The following PDXDC1 variants were observed in gnomAD, a reference collection of about 807,000 sequenced individuals.
PDXDC1 encodes pyridoxal-dependent decarboxylase domain-containing protein 1.
In PDXDC1, 42 loss-of-function variants were observed where a neutral mutation model predicts 100.1. The ratio of observed to expected loss-of-function variants is 0.42; its 90% CI spans 0.33 to 0.54. The LOEUF (loss-of-function observed/expected upper bound fraction) is 0.54, where lower values mean the gene tolerates loss of function less well. PDXDC1 is among the 20% of genes least tolerant of loss of function. The pLI is 0.10. For missense variants in PDXDC1, 636 were observed against 979.2 expected (o/e 0.65, Z 4.68); for synonymous variants, 260 against 371.7 (o/e 0.70, Z 3.46).
chr16:15,046,334 T>G (rs943129894), intron 16 of PDXDC1, among the ~76,000 whole-genome samples: 2 of 152,174 alleles, frequency 1.3e-5, no homozygotes, highest in Non-Finnish European at 2.9e-5. Flanking sequence ...TGCCTTAGAC[T>G]TCCAGTAAAA....
At chr16:15,143,428 T>G (rs2457523), downstream of PDXDC1, among the ~76,000 whole-genome samples, 21 of 152,188 alleles carry the variant, frequency 1.4e-4, no homozygotes, top group Admixed American at 3.3e-4. Flanking sequence ...GCCCGAGGTA[T>G]CTGACACGTG....
chr16:14,998,498 G>T, intron 3 of PDXDC1, 93 bp downstream of exon 3: 1 of 1,395,440 alleles, frequency 7.2e-7, no homozygotes, highest in Non-Finnish European at 9.9e-7. Context: ...AGGATGGTGT[G>T]CAGTGGCACA....
chr16:14,991,180 AT>A (rs1226956322), intron 1 of PDXDC1, among the ~76,000 whole-genome samples: 1 of 152,180 alleles, frequency 6.6e-6, no homozygotes, highest in Non-Finnish European at 1.5e-5. Context: ...ATTACACGGG[AT>A]TTTAGTGTTT....
intron 16 of PDXDC1, chr16:15,055,793 C>G (rs2151740309): frequency 1.6e-6 from 1 of 629,524 alleles, no homozygotes; most frequent in East Asian, 3.5e-5. Flanking sequence ...GTGCCAACAG[C>G]GCCAAGTTTC....
chr16:15,072,689 G>T, intron 16 of PDXDC1, among the ~76,000 whole-genome samples: 1 of 152,058 alleles, frequency 6.6e-6, no homozygotes, highest in East Asian at 1.9e-4. Flanking sequence ...CCCAGCTATC[G>T]AGAGGGTAAG....
At chr16:15,054,070 C>T (rs893303361) in intron 16 of PDXDC1, among the ~76,000 whole-genome samples, 1 of 152,210 alleles carries the variant, frequency 6.6e-6, no homozygotes, top group African/African-American at 2.4e-5. Context: ...CCTCCTCACC[C>T]GGGCTGCTCC....
At chr16:15,041,072 G>T, downstream of PDXDC1, 1 of 1,596,280 alleles carries the variant, frequency 6.3e-7, no homozygotes, top group Non-Finnish European at 8.6e-7. Context: ...ACTTACCAAT[G>T]CCATATATTA....
At position 15,129,011 on chromosome 16, in the gene PDXDC1, T is replaced by C. The variant is rs1423214614; in HGVS notation, c.1400-9868T>C. ...TTTAGTAGAGACAGGGTTTCACCGT[T>C]AGCCAGGATGGTCTCGATCTCCTGA... On this transcript the variant is annotated intron_variant, in intron 16 of 16. Coordinates refer to the PDXDC1 transcript ENST00000535621. 1.1e-4 allele frequency among the ~76,000 whole-genome samples: 17 copies of C among 151,180 alleles called. No homozygotes were observed. The East Asian group carries it at 3.2e-3, about 28-fold the overall frequency.
chr16:15,125,467 G>A, intron 16 of PDXDC1: 3 of 895,620 alleles, frequency 3.3e-6, no homozygotes, highest in Non-Finnish European at 5.7e-6. Flanking sequence ...CAGACACCCA[G>A]CAAGGACACG....
intron 8 of PDXDC1, among the ~76,000 whole-genome samples, chr16:15,011,009 T>C (rs2041216014): frequency 6.6e-6 from 1 of 152,300 alleles, no homozygotes; most frequent in African/African-American, 2.4e-5. Flanking sequence ...CCCAAACTAA[T>C]CTGTAGATTC....
chr16:15,025,001 A>G, intron 13 of PDXDC1, among the ~76,000 whole-genome samples: 1 of 152,426 alleles, frequency 6.6e-6, no homozygotes, highest in Middle Eastern at 3.4e-3. Flanking sequence ...GGCCCCAGAC[A>G]TGCTCCCATC....
At chr16:15,127,578 C>G (rs1272577854) in intron 16 of PDXDC1, 4 of 1,343,410 alleles carry the variant, frequency 3.0e-6, no homozygotes, top group African/African-American at 1.5e-5. Flanking sequence ...GCGGGCTCAG[C>G]CTGGACACAT....
chr16:15,128,636 C>T (rs559443010), intron 16 of PDXDC1, among the ~76,000 whole-genome samples: 11 of 152,028 alleles, frequency 7.2e-5, no homozygotes, highest in Admixed American at 5.9e-4. Context: ...AACATGGCTG[C>T]ACACGCCTCA....
chr16:15,102,382 G>A (rs563946327), intron 16 of PDXDC1, among the ~76,000 whole-genome samples: 89 of 152,088 alleles, frequency 5.9e-4, no homozygotes, highest in Admixed American at 3.1e-3. Context: ...GATGACCTCC[G>A]GAGGCAGGGG....
At chr16:15,123,011 A>T (rs2047514204) in intron 16 of PDXDC1, among the ~76,000 whole-genome samples, 1 of 150,938 alleles carries the variant, frequency 6.6e-6, no homozygotes, top group South Asian at 2.1e-4. Context: ...GTCACGGAGA[A>T]GATCAGGGAA....
intron 16 of PDXDC1, chr16:15,056,032 G>T: frequency 1.2e-6 from 1 of 823,644 alleles, no homozygotes; most frequent in Non-Finnish European, 1.5e-6. Flanking sequence ...TGCAGCCCCG[G>T]GCCGCCCGCC....
At chr16:15,072,923 G>T in intron 16 of PDXDC1, 1 of 1,610,540 alleles carries the variant, frequency 6.2e-7, no homozygotes, top group Non-Finnish European at 8.5e-7. Context: ...AGTAAGCTAA[G>T]ATAATGTTAA....
rs1469305163 is a variant in PDXDC1 at position 15,132,806 on chromosome 16, T to C, written c.1400-6073T>C. 8.3e-6 allele frequency: 11 copies of C among 1,323,144 alleles called. No homozygotes were observed. In the East Asian group the frequency reaches 1.4e-4, roughly 17 times the overall value. The allele number at this position is 1,323,144 out of a possible 1,614,324, so 82.0% of individuals were successfully genotyped here. A position where few individuals can be genotyped will look rare whatever the true frequency, so the allele number is the denominator to read the frequency against. On this transcript the variant is annotated intron_variant, in intron 16 of 16. Transcript: ENST00000535621. ...GGACACCAGAGTCTCCGTGATGTTCTTGCGTATCTGGGCTCGGCGCTGCCG... is the reference window on the plus strand; with the variant it reads ...GGACACCAGAGTCTCCGTGATGTTCCTGCGTATCTGGGCTCGGCGCTGCCG...
intron 16 of PDXDC1, chr16:15,092,599 A>G (rs763855769): frequency 3.0e-5 from 49 of 1,610,138 alleles, no homozygotes; most frequent in Non-Finnish European, 4.2e-5. Flanking sequence ...TCTCTAATGC[A>G]CGCATATTTG....
Sources: allele counts gnomAD v4.1 joint callset (sites outside exome capture counted in the v4.1 genomes callset), GRCh38; gene constraint gnomAD v4.1.1; transcripts MANE v1.5; gene names NCBI Gene and HGNC (gene_info 2026-07-23, HGNC 2026-07-21).